Variants in SNRPG observed in about 807,000 individuals in gnomAD.
SNRPG encodes small nuclear ribonucleoprotein G.
In SNRPG, 3 loss-of-function variants were observed where a neutral mutation model predicts 13.9. The observed-to-expected ratio is 0.22, with a 90% CI of 0.10 to 0.56. The LOEUF (loss-of-function observed/expected upper bound fraction) is 0.56. SNRPG is among the 20% of genes least tolerant of loss of function. The pLI is 0.93. For synonymous variants in SNRPG, 29 were observed against 29.3 expected, an observed-to-expected ratio of 0.99 and a Z score of 0.03; for missense variants, 34 against 96.1, an observed-to-expected ratio of 0.35 and a Z score of 2.70.
intron 3 of SNRPG, among the ~76,000 whole-genome samples, chr2:70,282,518 A>T (rs1208524357): frequency 2.0e-5 from 3 of 152,226 alleles, no homozygotes; most frequent in African/African-American, 7.2e-5. Context: ...ATTTGAATGC[A>T]GTAAAAAGTT....
intron 3 of SNRPG, 152 bp from the exon 4 acceptor site, chr2:70,281,836 T>C: frequency 1.8e-6 from 1 of 546,124 alleles, no homozygotes; most frequent in Non-Finnish European, 3.3e-6. Context: ...ACCAAACAAC[T>C]CTAAGCCCTT....
At chr2:70,289,296 AT>A in intron 2 of SNRPG, 53 bp downstream of exon 2, 1 of 1,060,254 alleles carries the variant, frequency 9.4e-7, no homozygotes, top group Admixed American at 2.2e-5. Context: ...GCTAAGACAC[AT>A]GTAAAAAGCA....
At chr2:70,283,845 G>A (rs1696875049) in intron 3 of SNRPG, among the ~76,000 whole-genome samples, 2 of 152,186 alleles carry the variant, frequency 1.3e-5, no homozygotes, top group African/African-American at 4.8e-5. Flanking sequence ...GATAGCTTGA[G>A]CCCAGGAGTT....
intron 3 of SNRPG, 35 bp from the exon 4 acceptor site, chr2:70,281,719 CT>C: frequency 8.7e-7 from 1 of 1,147,154 alleles, no homozygotes; most frequent in East Asian, 2.4e-5. Flanking sequence ...AAAAGAACAA[CT>C]CAGGTAACAG....
chr2:70,283,112 A>AAAAAC (rs1559041535), intron 3 of SNRPG, among the ~76,000 whole-genome samples: 2 of 147,772 alleles, frequency 1.4e-5, no homozygotes, highest in African/African-American at 2.5e-5. Flanking sequence ...AAAAAAAAAA[A>AAAAAC]AAAAAAAAAA....
At chr2:70,292,381 CTT>C (rs1697122491) in intron 1 of SNRPG, among the ~76,000 whole-genome samples, 2 of 149,748 alleles carry the variant, frequency 1.3e-5, no homozygotes, top group East Asian at 2.0e-4. Flanking sequence ...GAGTTTCGGT[CTT>C]GTTACCCAGG....
intron 3 of SNRPG, among the ~76,000 whole-genome samples, chr2:70,282,535 G>A (rs1696818975): frequency 6.6e-6 from 1 of 152,160 alleles, no homozygotes; most frequent in South Asian, 2.1e-4. Flanking sequence ...AGTTCACGAA[G>A]AGAATCAGGA....
At chr2:70,284,810 T>C (rs868804225) in intron 3 of SNRPG, among the ~76,000 whole-genome samples, 13 of 152,242 alleles carry the variant, frequency 8.5e-5, no homozygotes, top group African/African-American at 3.1e-4. Flanking sequence ...ATATTTGTCT[T>C]GTCACATAAT....
intron 3 of SNRPG, among the ~76,000 whole-genome samples, chr2:70,285,523 G>C (rs1429886345): frequency 6.6e-6 from 1 of 151,972 alleles, no homozygotes; most frequent in East Asian, 1.9e-4. Flanking sequence ...AGTGACCCGA[G>C]ACCACACCAT....
chr2:70,293,534 A>G (rs1266297046), intron 1 of SNRPG, 84 bp downstream of exon 1: 9 of 1,140,458 alleles, frequency 7.9e-6, no homozygotes, highest in Non-Finnish European at 1.2e-5. Context: ...GCGGCTCAAG[A>G]CATTCGGCTA....
chr2:70,287,222 A>C, intron 3 of SNRPG: 1 of 677,338 alleles, frequency 1.5e-6, no homozygotes, highest in Non-Finnish European at 2.7e-6. Flanking sequence ...CAAACTTAAA[A>C]ATCAAGGTTA....
intron 3 of SNRPG, among the ~76,000 whole-genome samples, chr2:70,287,540 C>T (rs1314574396): frequency 6.6e-6 from 1 of 152,090 alleles, no homozygotes; most frequent in Non-Finnish European, 1.5e-5. Context: ...TGTGATTATC[C>T]CTTGTAACTT....
intron 1 of SNRPG, among the ~76,000 whole-genome samples, chr2:70,289,665 G>T (rs1697030724): frequency 6.6e-6 from 1 of 152,096 alleles, no homozygotes; most frequent in Non-Finnish European, 1.5e-5. Context: ...ACAAAAATTA[G>T]CTGGGGGTGG....
In SNRPG at chr2:70,283,926, T is replaced by G. The variant is rs550919904; in HGVS notation, c.181-2242A>C. On this transcript the variant is annotated intron_variant, in intron 3 of 3. Transcript: ENST00000272348. ...TACAAAAATTAGCTGAGGGTGGTGG[T>G]GCACACCTGTGGTTCCAGCTACTCG... Among the ~76,000 whole-genome samples, 60 of 152,172 alleles carry G rather than the reference T, an allele frequency of 3.9e-4. 1 individual carries two copies. The South Asian group carries it at 0.012, about 32-fold the overall frequency.
chr2:70,293,030 A>G, intron 1 of SNRPG: 1 of 628,694 alleles, frequency 1.6e-6, no homozygotes, highest in East Asian at 2.7e-5. Flanking sequence ...TTAAAAAAAA[A>G]GAAAAATGAA....
intron 3 of SNRPG, among the ~76,000 whole-genome samples, chr2:70,286,536 G>A (rs912697137): frequency 6.6e-6 from 1 of 151,998 alleles, no homozygotes; most frequent in Non-Finnish European, 1.5e-5. Flanking sequence ...TCTTTGGCTG[G>A]GGGTTGGGGG....
intron 3 of SNRPG, among the ~76,000 whole-genome samples, chr2:70,282,059 G>A (rs1306180335): frequency 2.6e-5 from 4 of 152,136 alleles, no homozygotes; most frequent in Non-Finnish European, 5.9e-5. Flanking sequence ...TAGGATTACA[G>A]GAGCCCTGAC....
intron 3 of SNRPG, among the ~76,000 whole-genome samples, chr2:70,285,007 A>G (rs1696904020): frequency 6.6e-6 from 1 of 152,208 alleles, no homozygotes; most frequent in South Asian, 2.1e-4. Context: ...CATGCTGCCC[A>G]TTAATCAGTT....
At chr2:70,289,490 T>C in intron 1 of SNRPG, 118 bp from the exon 2 acceptor site, 1 of 592,420 alleles carries the variant, frequency 1.7e-6, no homozygotes. Context: ...TAATGAAATC[T>C]AAAATAGTAA....
Sources: gnomAD v4.1 joint callset for allele counts (sites outside exome capture counted in the v4.1 genomes callset) on GRCh38, gnomAD v4.1.1 for gene constraint, MANE v1.5 for transcripts, NCBI Gene and HGNC (gene_info 2026-07-23, HGNC 2026-07-21) for gene names.